PTPRR: variants seen among roughly 807,000 people sequenced by gnomAD.
The protein encoded by PTPRR is receptor-type tyrosine-protein phosphatase R.
A neutral mutation model predicts 77.2 loss-of-function variants in PTPRR; 38 were observed. That is an observed-to-expected ratio of 0.49 (90% CI 0.38 to 0.65). The LOEUF (loss-of-function observed/expected upper bound fraction) is 0.65, where lower values mean the gene tolerates loss of function less well. PTPRR is among the 30% of genes least tolerant of loss of function. The pLI is 0.00. For synonymous variants in PTPRR, 299 were observed against 283.1 expected, an observed-to-expected ratio of 1.06 and a Z score of -0.57; for missense variants, 744 against 799.2, an observed-to-expected ratio of 0.93 and a Z score of 0.83.
Position 70,758,482 on chromosome 12 carries a change from G to C in PTPRR, c.627+2989C>G, listed in dbSNP as rs559258284. On this transcript the variant is annotated intron_variant, in intron 4 of 13. Transcript: ENST00000283228. Reference sequence around the variant, plus strand: ...TTTAAACTGAGAATAAAGCAACAGGGAAGGCCGTTTACATGATTCTCTAAA... The same window carrying C: ...TTTAAACTGAGAATAAAGCAACAGGCAAGGCCGTTTACATGATTCTCTAAA... 5.0e-4 allele frequency among the ~76,000 whole-genome samples: 76 copies of C among 151,342 alleles called. No individual in the cohort carries two copies. In the South Asian group the frequency reaches 0.013, roughly 26 times the overall value.
chr12:70,676,595 T>C (rs1887455849), intron 10 of PTPRR, among the ~76,000 whole-genome samples: 1 of 152,108 alleles, frequency 6.6e-6, no homozygotes, highest in African/African-American at 2.4e-5. Context: ...CACAGAATTG[T>C]ACATATTCAT....
chr12:70,674,602 T>C (rs1331464731), intron 10 of PTPRR, among the ~76,000 whole-genome samples: 1 of 152,194 alleles, frequency 6.6e-6, no homozygotes, highest in Non-Finnish European at 1.5e-5. Flanking sequence ...AATCGAAGCA[T>C]ATATGTACAG....
intron 12 of PTPRR, among the ~76,000 whole-genome samples, chr12:70,659,575 A>G (rs995365579): frequency 4.6e-5 from 7 of 152,096 alleles, no homozygotes; most frequent in African/African-American, 1.7e-4. Context: ...TTCATTTTAG[A>G]TATCCTGAGT....
chr12:70,682,484 T>G (rs1290358234), intron 10 of PTPRR, among the ~76,000 whole-genome samples: 1 of 152,226 alleles, frequency 6.6e-6, no homozygotes, highest in Non-Finnish European at 1.5e-5. Flanking sequence ...ATTTTCTGGT[T>G]TTATGCCTTT....
chr12:70,748,116 G>A (rs1192499813), intron 5 of PTPRR, among the ~76,000 whole-genome samples: 1 of 152,126 alleles, frequency 6.6e-6, no homozygotes, highest in African/African-American at 2.4e-5. Flanking sequence ...TAGTAACTCC[G>A]AAATGTCAGT....
At chr12:70,672,061 T>C in intron 10 of PTPRR, 1 of 1,312,900 alleles carries the variant, frequency 7.6e-7, no homozygotes, top group Non-Finnish European at 1.1e-6. Context: ...AGATGGAGAA[T>C]GGTGGAAGGG....
intron 2 of PTPRR, among the ~76,000 whole-genome samples, chr12:70,816,950 T>A (rs1891913539): frequency 6.6e-6 from 1 of 152,158 alleles, no homozygotes. Context: ...TTTCTATGAA[T>A]TCTGCAATAT....
In PTPRR at chr12:70,762,352, T is replaced by G. The variant is rs751438706; in HGVS notation, c.472-726A>C. ...ACCATGGCGATTGATAATATTATCT[T>G]TCACAACTTACACAACACACTAATA... On this transcript the variant is annotated intron_variant, in intron 3 of 13. Transcript: ENST00000283228. Among the ~76,000 whole-genome samples, 4 of 152,202 alleles carry G rather than the reference T, an allele frequency of 2.6e-5. No individual in the cohort carries two copies. The East Asian group carries it at 5.8e-4, about 22-fold the overall frequency.
chr12:70,686,204 G>T (rs947730493), intron 8 of PTPRR, among the ~76,000 whole-genome samples: 2 of 151,734 alleles, frequency 1.3e-5, no homozygotes, highest in Non-Finnish European at 2.9e-5. Flanking sequence ...ACATCTTCTG[G>T]GTAAACACAA....
intron 6 of PTPRR, among the ~76,000 whole-genome samples, chr12:70,733,598 C>A (rs184266501): frequency 7.2e-5 from 11 of 152,116 alleles, no homozygotes; most frequent in Admixed American, 7.2e-4. Context: ...GTCCTCCAAT[C>A]GTGAGCTTCA....
At chr12:70,846,208 C>T (rs970082343) in intron 2 of PTPRR, among the ~76,000 whole-genome samples, 6 of 152,062 alleles carry the variant, frequency 3.9e-5, no homozygotes, top group Admixed American at 1.3e-4. Context: ...GCAAAGAAAA[C>T]GCTTCCTTTC....
chr12:70,872,418 G>A (rs1006753910), intron 2 of PTPRR, among the ~76,000 whole-genome samples: 7 of 151,586 alleles, frequency 4.6e-5, no homozygotes, highest in Non-Finnish European at 8.8e-5. Flanking sequence ...CAAGTCAGCC[G>A]CTTGCGGTGG....
chr12:70,875,001 C>T (rs1259298928), intron 2 of PTPRR, among the ~76,000 whole-genome samples: 3 of 150,784 alleles, frequency 2.0e-5, no homozygotes, highest in African/African-American at 7.3e-5. Context: ...CACGTAGCAG[C>T]AAATGTACAA....
intron 2 of PTPRR, among the ~76,000 whole-genome samples, chr12:70,876,974 C>A (rs888750097): frequency 1.3e-5 from 2 of 152,098 alleles, no homozygotes; most frequent in African/African-American, 4.8e-5. Context: ...GGGTGTCTCA[C>A]AAGAAGGGTG....
At chr12:70,870,170 A>G (rs1274093990) in intron 2 of PTPRR, among the ~76,000 whole-genome samples, 3 of 152,176 alleles carry the variant, frequency 2.0e-5, no homozygotes, top group Admixed American at 1.3e-4. Flanking sequence ...GCCATCAATC[A>G]TCTCCAGTTC....
chr12:70,726,341 A>C (rs1889434881), intron 6 of PTPRR, among the ~76,000 whole-genome samples: 1 of 152,134 alleles, frequency 6.6e-6, no homozygotes, highest in African/African-American at 2.4e-5. Context: ...GTCTGGAGCC[A>C]GGCCACCTGT....
intron 1 of PTPRR, among the ~76,000 whole-genome samples, chr12:70,907,973 A>T (rs189672267): frequency 9.8e-5 from 15 of 152,344 alleles, no homozygotes; most frequent in Admixed American, 8.5e-4. Flanking sequence ...CACTCACTGA[A>T]TAATGAAGTA....
chr12:70,652,333 GA>G (rs1245836938), intron 13 of PTPRR, among the ~76,000 whole-genome samples: 1 of 152,176 alleles, frequency 6.6e-6, no homozygotes, highest in Non-Finnish European at 1.5e-5. Flanking sequence ...AAGATGAGGT[GA>G]AACGAAAGGG....
intron 6 of PTPRR, among the ~76,000 whole-genome samples, chr12:70,745,602 C>G (rs972973705): frequency 6.6e-6 from 1 of 152,156 alleles, no homozygotes; most frequent in Non-Finnish European, 1.5e-5. Context: ...CATCTTGAAT[C>G]TAGACAAGCT....
Sources: gnomAD v4.1 joint callset for allele counts (sites outside exome capture counted in the v4.1 genomes callset) on GRCh38, gnomAD v4.1.1 for gene constraint, MANE v1.5 for transcripts, NCBI Gene and HGNC (gene_info 2026-07-23, HGNC 2026-07-21) for gene names.